The following HMGCS1 variants were observed in gnomAD, a reference collection of about 807,000 sequenced individuals.
HMGCS1 encodes the protein 3-hydroxy-3-methylglutaryl-CoA synthase 1.
Under a neutral mutation model 52.3 loss-of-function variants are expected in HMGCS1, and 9 were observed. The ratio of observed to expected loss-of-function variants is 0.17; its 90% CI spans 0.10 to 0.30. HMGCS1 has a LOEUF of 0.30. Among genes scored for constraint, HMGCS1 ranks in the 10% least tolerant of loss-of-function variants. The pLI is 1.00. For missense variants in HMGCS1, 320 were observed against 620.9 expected (o/e 0.52, Z 5.15); for synonymous variants, 176 against 214.4 (o/e 0.82, Z 1.57).
rs1407478399 is a variant in HMGCS1 at position 43,292,463 on chromosome 5, CTT to C, written c.1473+9_1473+10del. 3.7e-6 allele frequency: 6 copies of C among 1,611,846 alleles called. No individual in the cohort carries two copies. Among genetic ancestry groups the C allele is most frequent in the Non-Finnish European group, 4.2e-6 (5 of 1,178,218 alleles). The stretch of plus-strand genomic sequence containing the variant: ...ACCCTAAGATATGGAGATGGGAACT[CTT>C]TTATTTACCTCAGTTGCTATGTTTG... On this transcript the variant is annotated intron_variant, in intron 10 of 10. Transcript: ENST00000325110.
chr5:43,299,215 A>G (rs1754183771), intron 2 of HMGCS1, among the ~76,000 whole-genome samples: 1 of 152,240 alleles, frequency 6.6e-6, no homozygotes, highest in South Asian at 2.1e-4. Flanking sequence ...AAAATTGGGC[A>G]TCTCTAGATT....
intron 1 of HMGCS1, among the ~76,000 whole-genome samples, chr5:43,311,329 A>G (rs1257957038): frequency 6.6e-6 from 1 of 151,990 alleles, no homozygotes; most frequent in Non-Finnish European, 1.5e-5. Context: ...CCCCAAAAAA[A>G]AAAAAAAAAA....
Position 43,294,710 on chromosome 5 carries a change from G to T in HMGCS1, c.1057C>A (p.Leu353Ile). ...ACTTACTGTGCTAGAACAGATGCAA[G>T]GGAACCATATACTGAAGATGTGTAC... Reference protein sequence around the residue: ...NMYTSSVYGSLASVLAQYSPQ... With the variant: ...NMYTSSVYGSIASVLAQYSPQ... Residue 353 changes from leucine (L) to isoleucine (I), a missense_variant, in exon 7 of 11, where the codon CTT becomes ATT. Coordinates refer to ENST00000325110, the MANE Select transcript of HMGCS1 (RefSeq NM_001098272.3). The T allele has an allele frequency of 6.2e-7, 1 of 1,608,688 alleles. No individual in the cohort carries two copies.
At chr5:43,303,564 T>C (rs1754423113) in intron 2 of HMGCS1, among the ~76,000 whole-genome samples, 1 of 152,186 alleles carries the variant, frequency 6.6e-6, no homozygotes, top group Non-Finnish European at 1.5e-5. Context: ...GATTAAATAG[T>C]CTGGTCACCT....
At chr5:43,301,409 G>A (rs1195607791) in intron 2 of HMGCS1, among the ~76,000 whole-genome samples, 1 of 152,188 alleles carries the variant, frequency 6.6e-6, no homozygotes, top group Non-Finnish European at 1.5e-5. Flanking sequence ...GGTGATATTA[G>A]TTGTCAGGTC....
chr5:43,302,040 C>A (rs192253863), intron 2 of HMGCS1, among the ~76,000 whole-genome samples: 40 of 152,212 alleles, frequency 2.6e-4, no homozygotes, highest in African/African-American at 7.2e-5. Flanking sequence ...GCGCTCAGAA[C>A]CACCACTGAG....
intron 6 of HMGCS1, among the ~76,000 whole-genome samples, chr5:43,295,445 G>T (rs571717297): frequency 6.6e-6 from 1 of 152,328 alleles, no homozygotes; most frequent in South Asian, 2.1e-4. Flanking sequence ...GGTGCTGAGA[G>T]AGGTAAGGAG....
intron 2 of HMGCS1, among the ~76,000 whole-genome samples, chr5:43,304,121 T>C (rs557370976): frequency 1.3e-5 from 2 of 152,362 alleles, no homozygotes; most frequent in Admixed American, 6.5e-5. Context: ...TAAAATAAGA[T>C]ACTGGATAGT....
intron 2 of HMGCS1, among the ~76,000 whole-genome samples, chr5:43,307,135 A>G (rs1754619203): frequency 6.7e-6 from 1 of 149,268 alleles, no homozygotes; most frequent in African/African-American, 2.5e-5. Context: ...CAGTGGCGCA[A>G]TCTCAGCTCA....
At position 43,291,085 on chromosome 5, in the gene HMGCS1, A is replaced by ACCCCCAGCCCACCCCCCC; in HGVS notation, c.*45_*46insGGGGGGGTGGGCTGGGGG. 1.9e-6 allele frequency: 1 copy of ACCCCCAGCCCACCCCCCC among 514,252 alleles called. No homozygotes were observed. Among genetic ancestry groups the ACCCCCAGCCCACCCCCCC allele is most frequent in the Non-Finnish European group, 3.9e-6 (1 of 255,674 alleles). The allele number at this position is 514,252 out of a possible 1,614,324, so 31.9% of individuals were successfully genotyped here. A position where few individuals can be genotyped will look rare whatever the true frequency, so the allele number is the denominator to read the frequency against. ...TTCCTCCAACTGTTCCCATACCCCC[A>ACCCCCAGCCCACCCCCCC]CCCCATGCCCACCCCACCCTGAAGT... On this transcript the variant is annotated 3_prime_UTR_variant, in exon 11 of 11. Transcript: ENST00000325110.
At chr5:43,301,549 CTTTTG>C (rs1197472246) in intron 2 of HMGCS1, among the ~76,000 whole-genome samples, 8 of 152,164 alleles carry the variant, frequency 5.3e-5, no homozygotes, top group African/African-American at 1.9e-4. Context: ...TTGAATCAAC[CTTTTG>C]TTTTAATTAT....
intron 2 of HMGCS1, among the ~76,000 whole-genome samples, chr5:43,303,215 G>A (rs751394209): frequency 2.0e-5 from 3 of 152,228 alleles, no homozygotes; most frequent in Non-Finnish European, 2.9e-5. Context: ...GGATTGAAAT[G>A]TCTGGGTTTC....
chr5:43,313,197 C>G (rs577426383), intron 1 of HMGCS1, 159 bp downstream of exon 1: 1 of 152,496 alleles, frequency 6.6e-6, no homozygotes, highest in Non-Finnish European at 1.5e-5. Context: ...CCCGGCCCCG[C>G]TCACGGTGCC....
At position 43,290,906 on chromosome 5, in the gene HMGCS1, G is replaced by C; in HGVS notation, c.*225C>G. On this transcript the variant is annotated 3_prime_UTR_variant, in exon 11 of 11. Transcript: ENST00000325110. ...TTACAGAGCCCTTAACATCATTCGA[G>C]TACATTTGGCATTGGCCAGACCACA... The C allele has an allele frequency of 2.1e-6, 1 of 479,370 alleles. No individual in the cohort carries two copies. Among genetic ancestry groups the C allele is most frequent in the Non-Finnish European group, 3.8e-6 (1 of 266,318 alleles). The allele number at this position is 479,370 out of a possible 1,614,324, so 29.7% of individuals were successfully genotyped here.
intron 1 of HMGCS1, among the ~76,000 whole-genome samples, chr5:43,311,136 C>G (rs1754842059): frequency 6.6e-6 from 1 of 152,102 alleles, no homozygotes; most frequent in Admixed American, 6.5e-5. Context: ...ACCAGTCTGA[C>G]CAACATGGTG....
chr5:43,292,424 G>A, intron 10 of HMGCS1, 50 bp downstream of exon 10: 4 of 1,491,450 alleles, frequency 2.7e-6, no homozygotes, highest in Non-Finnish European at 3.7e-6. Context: ...CTAAATCCCA[G>A]TTAGGTCTCC....
At chr5:43,294,033 T>C (rs1753911041) in intron 8 of HMGCS1, 23 bp downstream of exon 8, 1 of 1,451,224 alleles carries the variant, frequency 6.9e-7, no homozygotes, top group Admixed American at 1.7e-5. Flanking sequence ...CAATACATTC[T>C]TGTTGAAAGA....
intron 7 of HMGCS1, 29 bp from the exon 8 acceptor site, chr5:43,294,191 G>T: frequency 7.3e-7 from 1 of 1,360,946 alleles, no homozygotes; most frequent in Non-Finnish European, 1.1e-6. Flanking sequence ...TAGTTCAGAA[G>T]TTTAACTGAT....
At chr5:43,296,400 G>A (rs551021652) in intron 5 of HMGCS1, among the ~76,000 whole-genome samples, 2 of 152,108 alleles carry the variant, frequency 1.3e-5, no homozygotes, top group African/African-American at 4.8e-5. Context: ...TATCCAGAGC[G>A]ACTAAATTCA....
Sources: allele counts gnomAD v4.1 joint callset (sites outside exome capture counted in the v4.1 genomes callset), GRCh38; gene constraint gnomAD v4.1.1; transcripts MANE v1.5; gene names NCBI Gene and HGNC (gene_info 2026-07-23, HGNC 2026-07-21).